Variants in MICAL3 observed in about 807,000 individuals in gnomAD.
The protein encoded by MICAL3 is microtubule associated monooxygenase, calponin and LIM domain containing 3, also known as [F-actin]-monooxygenase MICAL3.
A neutral mutation model predicts 207.4 loss-of-function variants in MICAL3; 62 were observed. The ratio of observed to expected loss-of-function variants is 0.30; its 90% CI spans 0.24 to 0.37. The LOEUF (loss-of-function observed/expected upper bound fraction) is 0.37. Ranked by LOEUF, MICAL3 falls within the 10% of genes least tolerant of loss-of-function variation. The pLI is 1.00. For synonymous variants in MICAL3, 1,077 were observed against 1,069.3 expected, an observed-to-expected ratio of 1.01 and a Z score of -0.14; for missense variants, 2,368 against 2,635.6, an observed-to-expected ratio of 0.90 and a Z score of 2.22.
intron 25 of MICAL3, 144 bp from the exon 26 acceptor site, chr22:17,819,273 TCCA>T: frequency 3.6e-6 from 3 of 830,038 alleles, no homozygotes; most frequent in Non-Finnish European, 5.0e-6. Flanking sequence ...TTAGAACAGC[TCCA>T]GGAAAACCCT....
chr22:17,988,918 A>AG (rs1921341306), intron 1 of MICAL3, among the ~76,000 whole-genome samples: 1 of 152,204 alleles, frequency 6.6e-6, no homozygotes, highest in African/African-American at 2.4e-5. Flanking sequence ...CTGCCTTCAC[A>AG]CAACAGCAGA....
chr22:17,971,280 C>T (rs981171458), intron 1 of MICAL3, among the ~76,000 whole-genome samples: 1 of 152,106 alleles, frequency 6.6e-6, no homozygotes, highest in Non-Finnish European at 1.5e-5. Flanking sequence ...CCAGCCTGGC[C>T]AACATGGTGA....
intron 1 of MICAL3, among the ~76,000 whole-genome samples, chr22:17,986,021 C>G (rs1920988831): frequency 6.6e-6 from 1 of 152,166 alleles, no homozygotes; most frequent in African/African-American, 2.4e-5. Flanking sequence ...AATTCTCTAC[C>G]TCAGCCTCCC....
chr22:17,872,032 G>T lies in MICAL3; in HGVS notation c.2242-9C>A. The T allele has an allele frequency of 6.3e-7, 1 of 1,590,540 alleles. No individual in the cohort carries two copies. The highest frequency in any genetic ancestry group is 8.6e-7 in the Non-Finnish European group (1 of 1,168,504). ...TCCTTCTTCATGGAGCCCTGCAGGAGGTGGCGGTCGGGAGGAAGGGGAGCA... is the reference window on the plus strand; with the variant it reads ...TCCTTCTTCATGGAGCCCTGCAGGATGTGGCGGTCGGGAGGAAGGGGAGCA... On this transcript the variant is annotated splice_polypyrimidine_tract_variant and intron_variant, in intron 16 of 31. Transcript: ENST00000441493.
intron 1 of MICAL3, among the ~76,000 whole-genome samples, chr22:17,967,153 G>C (rs1713478910): frequency 6.6e-6 from 1 of 152,130 alleles, no homozygotes; most frequent in African/African-American, 2.4e-5. Context: ...AGATGCAAAT[G>C]AACAGGATGG....
chr22:17,993,027 A>T (rs1921868427), intron 1 of MICAL3, among the ~76,000 whole-genome samples: 1 of 152,218 alleles, frequency 6.6e-6, no homozygotes, highest in African/African-American at 2.4e-5. Context: ...TACCAAAAGC[A>T]GAAAGTTTAT....
chr22:17,881,183 T>C (rs1929389758), intron 16 of MICAL3: 4 of 1,591,940 alleles, frequency 2.5e-6, no homozygotes, highest in Non-Finnish European at 2.6e-6. Context: ...GACAGGAACA[T>C]GGAGCATGCA....
intron 1 of MICAL3, among the ~76,000 whole-genome samples, chr22:18,023,781 G>A (rs889857801): frequency 1.3e-5 from 2 of 152,234 alleles, no homozygotes; most frequent in African/African-American, 4.8e-5. Context: ...GGGCCCCTCT[G>A]CCGCAGGGAA....
intron 20 of MICAL3, chr22:17,834,502 G>T: frequency 1.6e-6 from 2 of 1,249,730 alleles, no homozygotes; most frequent in Non-Finnish European, 2.1e-6. Flanking sequence ...GATCATTTGA[G>T]CCCAGGAGTT....
intron 1 of MICAL3, among the ~76,000 whole-genome samples, chr22:17,969,464 G>A (rs902203129): frequency 6.6e-6 from 1 of 152,258 alleles, no homozygotes; most frequent in African/African-American, 2.4e-5. Context: ...GTTGTGGAAT[G>A]ACAGTGTCCA....
chr22:17,800,137 CCCTGCACCTCCATCTCACAACA>C (rs1311721563), intron 29 of MICAL3, among the ~76,000 whole-genome samples: 2 of 152,180 alleles, frequency 1.3e-5, no homozygotes, highest in Non-Finnish European at 2.9e-5. Flanking sequence ...GGGCTGGCGT[CCCTGCACCTCCATCTCACAACA>C]GCAAGAGGCC....
intron 29 of MICAL3, among the ~76,000 whole-genome samples, chr22:17,807,268 G>A (rs555658638): frequency 6.6e-6 from 1 of 152,376 alleles, no homozygotes; most frequent in South Asian, 2.1e-4. Flanking sequence ...TCGGGCACAG[G>A]TGGGCTGGGG....
chr22:17,895,765 T>C (rs550561985), intron 9 of MICAL3, among the ~76,000 whole-genome samples: 6 of 152,278 alleles, frequency 3.9e-5, no homozygotes, highest in Admixed American at 2.6e-4. Flanking sequence ...TATCACTATA[T>C]TTAGTCAGAA....
chr22:17,812,408 C>T (rs2062058245), intron 27 of MICAL3: 1 of 493,656 alleles, frequency 2.0e-6, no homozygotes, highest in South Asian at 8.6e-5. Flanking sequence ...CGCACAAACA[C>T]AGTTAGTGAG....
chr22:17,891,817 G>A (rs1054121744), intron 11 of MICAL3, among the ~76,000 whole-genome samples, 185 bp from the exon 12 acceptor site: 2 of 152,172 alleles, frequency 1.3e-5, no homozygotes, highest in Admixed American at 6.5e-5. Context: ...TCATGACAGC[G>A]AATTCTAAGA....
At chr22:17,890,110 T>C (rs1930273227) in intron 12 of MICAL3, among the ~76,000 whole-genome samples, 1 of 152,200 alleles carries the variant, frequency 6.6e-6, no homozygotes, top group Non-Finnish European at 1.5e-5. Flanking sequence ...GGTTTAAGCC[T>C]CTTGCTTTTC....
intron 1 of MICAL3, among the ~76,000 whole-genome samples, chr22:17,941,719 A>C (rs1569140709): frequency 6.6e-6 from 1 of 152,190 alleles, no homozygotes; most frequent in Non-Finnish European, 1.5e-5. Flanking sequence ...TGTTTGGTTG[A>C]CCTTCACAGG....
At chr22:17,827,854 C>T (rs1922361281) in intron 21 of MICAL3, 73 bp from the exon 22 acceptor site, 4 of 1,471,232 alleles carry the variant, frequency 2.7e-6, no homozygotes, top group Non-Finnish European at 3.6e-6. Context: ...GGAAAGGAAA[C>T]AGAAAGAGAA....
Position 17,899,182 on chromosome 22 carries a change from A to G in MICAL3, c.948+266T>C, listed in dbSNP as rs555454920. ...TGCACAGAAATATTACTGACAGAAC[A>G]CTGGCCACGTGTTGAGAACTGTGAA... On this transcript the variant is annotated intron_variant, in intron 7 of 31. Transcript: ENST00000441493. 7.9e-6 allele frequency: 4 copies of G among 505,920 alleles called. No homozygotes were observed. In the East Asian group the frequency reaches 1.5e-4, roughly 19 times the overall value. The allele number at this position is 505,920 out of a possible 1,614,324, so 31.3% of individuals were successfully genotyped here.
Sources: allele counts gnomAD v4.1 joint callset (sites outside exome capture counted in the v4.1 genomes callset), GRCh38; gene constraint gnomAD v4.1.1; transcripts MANE v1.5; gene names NCBI Gene and HGNC (gene_info 2026-07-23, HGNC 2026-07-21).